The following EGFLAM variants were observed in gnomAD, a reference collection of about 807,000 sequenced individuals.
The protein encoded by EGFLAM is EGF like, fibronectin type III and laminin G domains.
A neutral mutation model predicts 113.1 loss-of-function variants in EGFLAM; 79 were observed. The ratio of observed to expected loss-of-function variants is 0.70; its 90% CI spans 0.58 to 0.84. EGFLAM has a LOEUF of 0.84. EGFLAM is among the 40% of genes least tolerant of loss of function. The probability of loss-of-function intolerance (pLI) is 0.00; values close to 1 mark genes in which losing one functional copy is unlikely to be tolerated. For synonymous variants in EGFLAM, 504 were observed against 487.6 expected (o/e 1.03, Z -0.44); for missense variants, 1,265 against 1,291.6 (o/e 0.98, Z 0.32).
At chr5:38,430,446 C>T (rs1742153358) in intron 14 of EGFLAM, among the ~76,000 whole-genome samples, 1 of 152,276 alleles carries the variant, frequency 6.6e-6, no homozygotes, top group South Asian at 2.1e-4. Flanking sequence ...ATGAAGGCAT[C>T]CAATAAATAG....
intron 10 of EGFLAM, 133 bp downstream of exon 10, chr5:38,409,237 A>T (rs72742505): frequency 0.042 from 31,375 of 752,416 alleles, 886 homozygotes; most frequent in Non-Finnish European, 0.054. Context: ...TAAAATGAGT[A>T]TGAACCAGTT....
At chr5:38,289,552 C>T (rs1259568351) in intron 1 of EGFLAM, among the ~76,000 whole-genome samples, 2 of 152,158 alleles carry the variant, frequency 1.3e-5, no homozygotes, top group Admixed American at 6.5e-5. Context: ...TTGTCAGTTT[C>T]TGATAGAGGA....
At chr5:38,387,153 A>G (rs1425429359) in intron 6 of EGFLAM, among the ~76,000 whole-genome samples, 3 of 152,102 alleles carry the variant, frequency 2.0e-5, no homozygotes, top group African/African-American at 7.2e-5. Flanking sequence ...AGCCACAGAT[A>G]TTGTCCAGAC....
chr5:38,295,087 A>C (rs1758421707), intron 1 of EGFLAM, among the ~76,000 whole-genome samples: 1 of 152,174 alleles, frequency 6.6e-6, no homozygotes, highest in South Asian at 2.1e-4. Flanking sequence ...TTGGCCTCCC[A>C]ACGTGCTGGG....
Position 38,418,099 on chromosome 5 carries a change from C to T in EGFLAM, c.1528C>T (p.Leu510Phe), listed in dbSNP as rs149080700. Reference sequence around the variant, plus strand: ...CAGTAAAATTACTTTCCGGACACCTCTCTATCTTGGTGGCGCTCCCAGCGC... The same window carrying T: ...CAGTAAAATTACTTTCCGGACACCTTTCTATCTTGGTGGCGCTCCCAGCGC... ...QYSKITFRTP[L>F]YLGGAPSAYW... Residue 510 changes from leucine to phenylalanine, a missense_variant, in exon 12 of 22, where the codon CTC becomes TTC. Transcript: ENST00000322350. 2 of 1,614,150 alleles carry T rather than the reference C, an allele frequency of 1.2e-6. No homozygotes were observed. The highest frequency in any genetic ancestry group is 1.7e-5 in the Admixed American group (1 of 60,020).
Position 38,381,004 on chromosome 5 carries a change from C to T in EGFLAM, c.712+10542C>T, listed in dbSNP as rs116507554. Among the ~76,000 whole-genome samples, 1,295 of 152,306 alleles carry T rather than the reference C, an allele frequency of 8.5e-3. 15 individuals carry two copies. Among genetic ancestry groups the T allele is most frequent in the African/African-American group, 0.029 (1,202 of 41,550 alleles). On this transcript the variant is annotated intron_variant, in intron 6 of 21. Transcript: ENST00000322350. ...CTGCTCAGTCGGTCGGCTGATATTT[C>T]ATGGCCTCAGAATGTGCAACTATAT...
chr5:38,258,872 G>C (rs1173342195), intron 1 of EGFLAM, 21 bp downstream of exon 1: 1 of 1,601,332 alleles, frequency 6.2e-7, no homozygotes, highest in Non-Finnish European at 8.5e-7. Context: ...CCTCCGCCCA[G>C]AGCCACCACG....
intron 6 of EGFLAM, among the ~76,000 whole-genome samples, chr5:38,389,076 G>T (rs1462605104): frequency 1.3e-5 from 2 of 152,092 alleles, no homozygotes; most frequent in Non-Finnish European, 2.9e-5. Context: ...TAGTAGATGA[G>T]AAAATATTTT....
chr5:38,266,773 A>C (rs1285317247), intron 1 of EGFLAM, among the ~76,000 whole-genome samples: 3 of 152,208 alleles, frequency 2.0e-5, no homozygotes, highest in Non-Finnish European at 2.9e-5. Context: ...GTAGGGCAGC[A>C]GCTGTTCCTA....
At position 38,453,061 on chromosome 5, in the gene EGFLAM, C is replaced by A. The variant is rs181187588; in HGVS notation, c.2687+1603C>A. Among the ~76,000 whole-genome samples, 18 of 152,310 alleles carry A rather than the reference C, an allele frequency of 1.2e-4. No homozygotes were observed. In the East Asian group the frequency reaches 2.7e-3, roughly 23 times the overall value. ...TTTCCAAGTGTGGTCCCCAGACCAG[C>A]AGCCCCAGCATCACCTGGGAACTTG... On this transcript the variant is annotated intron_variant, in intron 19 of 21. Transcript: ENST00000322350.
intron 16 of EGFLAM, among the ~76,000 whole-genome samples, chr5:38,437,189 C>G (rs1742377762): frequency 6.6e-6 from 1 of 152,190 alleles, no homozygotes; most frequent in African/African-American, 2.4e-5. Context: ...CAAGGGAGCT[C>G]TTGAGCACCA....
Position 38,407,112 on chromosome 5 carries a change from C to T in EGFLAM, c.1113C>T (p.Cys371=), listed in dbSNP as rs759345218. 4.3e-6 allele frequency: 7 copies of T among 1,614,042 alleles called. No homozygotes were observed. Among genetic ancestry groups the T allele is most frequent in the Non-Finnish European group, 5.1e-6 (6 of 1,180,036 alleles). ...DYTWGGSRCQ[C]TLGKGGESCS... is the part of the protein sequence containing the mutation. The stretch of plus-strand genomic sequence containing the variant: ...CCTGGGGGGGCTCGCGATGCCAGTG[C>T]ACCCTGGGCAAAGGTGGTGAGAGCT... Residue 371 remains cysteine, a synonymous_variant, in exon 8 of 22, where the codon TGC becomes TGT. Transcript: ENST00000322350.
intron 1 of EGFLAM, among the ~76,000 whole-genome samples, chr5:38,336,120 A>G (rs1019763895): frequency 1.3e-5 from 2 of 152,180 alleles, no homozygotes; most frequent in Admixed American, 1.3e-4. Flanking sequence ...ATTATGGCAC[A>G]TGTGTTATAT....
chr5:38,454,211 A>T (rs1440052778), intron 19 of EGFLAM, among the ~76,000 whole-genome samples: 1 of 152,152 alleles, frequency 6.6e-6, no homozygotes, highest in Non-Finnish European at 1.5e-5. Context: ...ACAGAGAGGA[A>T]TTCCAGTGTA....
chr5:38,451,917 A>G (rs1347665593), intron 19 of EGFLAM, among the ~76,000 whole-genome samples: 1 of 146,912 alleles, frequency 6.8e-6, no homozygotes, highest in African/African-American at 2.6e-5. Flanking sequence ...GCTTGAACCC[A>G]TGAGGCAGAT....
chr5:38,327,687 C>T (rs779083619), intron 1 of EGFLAM, among the ~76,000 whole-genome samples: 1 of 152,080 alleles, frequency 6.6e-6, no homozygotes, highest in Non-Finnish European at 1.5e-5. Context: ...GCCTATCCAC[C>T]TTATACCAAT....
At chr5:38,462,095 G>C (rs1743298855) in intron 20 of EGFLAM, among the ~76,000 whole-genome samples, 1 of 152,134 alleles carries the variant, frequency 6.6e-6, no homozygotes, top group Non-Finnish European at 1.5e-5. Flanking sequence ...GTGAACCCCG[G>C]GGGGCGGAGC....
At chr5:38,297,761 C>A (rs957747866) in intron 1 of EGFLAM, among the ~76,000 whole-genome samples, 4 of 152,198 alleles carry the variant, frequency 2.6e-5, no homozygotes, top group African/African-American at 9.7e-5. Context: ...TGCTTATTGT[C>A]CCTGGGCTCA....
chr5:38,461,936 A>C (rs1268139383), intron 20 of EGFLAM, among the ~76,000 whole-genome samples: 2 of 151,902 alleles, frequency 1.3e-5, no homozygotes, highest in South Asian at 2.1e-4. Flanking sequence ...GAGGCCGAGG[A>C]GGGCGGATCA....
Sources: gnomAD v4.1 joint callset for allele counts (sites outside exome capture counted in the v4.1 genomes callset) on GRCh38, gnomAD v4.1.1 for gene constraint, MANE v1.5 for transcripts, NCBI Gene and HGNC (gene_info 2026-07-23, HGNC 2026-07-21) for gene names.